The following ZMAT3 variants were observed in gnomAD, a reference collection of about 807,000 sequenced individuals.
ZMAT3 encodes the protein zinc finger matrin-type protein 3.
ZMAT3 carries 17 observed loss-of-function variants against 32.3 expected under a neutral mutation model. That is an observed-to-expected ratio of 0.53 (90% CI 0.36 to 0.79). The LOEUF is 0.79. Among genes scored for constraint, ZMAT3 ranks in the 30% least tolerant of loss-of-function variants. The pLI is 0.00. For missense variants in ZMAT3, 329 were observed against 359.7 expected (o/e 0.91, Z 0.69); for synonymous variants, 120 against 133.1 (o/e 0.90, Z 0.68).
chr3:179,070,826 AAATT>A (rs1243251971), intron 1 of ZMAT3, among the ~76,000 whole-genome samples: 3 of 152,380 alleles, frequency 2.0e-5, no homozygotes, highest in Non-Finnish European at 2.9e-5. Context: ...TGTTTAAAGA[AAATT>A]AATTGTCATA....
chr3:179,059,186 T>A (rs1006927656), intron 2 of ZMAT3, among the ~76,000 whole-genome samples: 2 of 151,990 alleles, frequency 1.3e-5, no homozygotes, highest in Admixed American at 1.3e-4. Context: ...TGCAGGACCC[T>A]CCATTAGAAA....
chr3:179,054,756 C>T (rs1471362626), intron 2 of ZMAT3, among the ~76,000 whole-genome samples: 2 of 152,158 alleles, frequency 1.3e-5, no homozygotes, highest in Admixed American at 6.5e-5. Context: ...GCAGACCCGC[C>T]GGCGACTTCC....
chr3:179,034,638 C>A (rs534951147), intron 2 of ZMAT3, among the ~76,000 whole-genome samples: 54 of 152,172 alleles, frequency 3.5e-4, no homozygotes, highest in Non-Finnish European at 7.2e-4. Flanking sequence ...TCCTGGTCAT[C>A]CATACTTTCA....
chr3:179,044,740 T>C (rs934684670), intron 2 of ZMAT3, among the ~76,000 whole-genome samples: 8 of 152,124 alleles, frequency 5.3e-5, no homozygotes, highest in African/African-American at 1.9e-4. Flanking sequence ...GGGACATGGA[T>C]GGAGCTGGAA....
At chr3:179,059,144 C>T (rs1289968580) in intron 2 of ZMAT3, among the ~76,000 whole-genome samples, 2 of 152,010 alleles carry the variant, frequency 1.3e-5, no homozygotes, top group African/African-American at 4.8e-5. Flanking sequence ...AAGGGAAATG[C>T]CAAGTGGATA....
chr3:179,027,177 A>G (rs1486739094), intron 5 of ZMAT3, among the ~76,000 whole-genome samples: 1 of 152,226 alleles, frequency 6.6e-6, no homozygotes, highest in Non-Finnish European at 1.5e-5. Flanking sequence ...TAAGGGGACA[A>G]AGATAAGAGA....
At chr3:179,060,768 C>G (rs1721113293) in intron 2 of ZMAT3, among the ~76,000 whole-genome samples, 1 of 152,122 alleles carries the variant, frequency 6.6e-6, no homozygotes, top group Non-Finnish European at 1.5e-5. Flanking sequence ...ACACAACCAT[C>G]ATTGTCAGAT....
intron 2 of ZMAT3, among the ~76,000 whole-genome samples, chr3:179,060,273 T>A (rs1214516059): frequency 1.3e-5 from 2 of 151,892 alleles, no homozygotes; most frequent in Non-Finnish European, 2.9e-5. Flanking sequence ...CAATTATACT[T>A]CAATAAAGCT....
intron 2 of ZMAT3, among the ~76,000 whole-genome samples, chr3:179,035,959 T>C (rs1176784756): frequency 6.6e-6 from 1 of 152,176 alleles, no homozygotes; most frequent in Non-Finnish European, 1.5e-5. Flanking sequence ...AAGCCCAGCC[T>C]TCTGTGTTGA....
chr3:179,043,599 A>G (rs898364170), intron 2 of ZMAT3, among the ~76,000 whole-genome samples: 17 of 152,260 alleles, frequency 1.1e-4, no homozygotes, highest in Non-Finnish European at 2.2e-4. Flanking sequence ...CTTAAATGTT[A>G]GACCTAAAAC....
At position 179,022,478 on chromosome 3, in the gene ZMAT3, T is replaced by C. The variant is rs1403117055; in HGVS notation, c.*2539A>G. 1 of 152,094 alleles carries C rather than the reference T, an allele frequency of 6.6e-6. No homozygotes were observed. Among genetic ancestry groups the C allele is most frequent in the African/African-American group, 2.4e-5 (1 of 41,406 alleles). 9.4% of individuals were successfully genotyped at this position (152,094 alleles called of 1,614,324 possible). On this transcript the variant is annotated 3_prime_UTR_variant, in exon 6 of 6. Transcript: ENST00000311417. ...CTACCTATGGAGGAAAAAAACTAGATTTTTAGGTAATCATAGAACCAAGCG... is the reference window on the plus strand; with the variant it reads ...CTACCTATGGAGGAAAAAAACTAGACTTTTAGGTAATCATAGAACCAAGCG...
At chr3:179,032,654 AC>A (rs1340953425) in intron 2 of ZMAT3, among the ~76,000 whole-genome samples, 72 of 146,362 alleles carry the variant, frequency 4.9e-4, no homozygotes, top group African/African-American at 1.7e-3. Flanking sequence ...CCCGGCCGCG[AC>A]CCCGTCTGGG....
At chr3:179,035,557 T>A (rs1232769778) in intron 2 of ZMAT3, among the ~76,000 whole-genome samples, 2 of 152,182 alleles carry the variant, frequency 1.3e-5, no homozygotes, top group East Asian at 1.9e-4. Context: ...CCGGTTTTAT[T>A]TTATCTTAGT....
Position 179,060,487 on chromosome 3 carries a change from C to CA in ZMAT3, c.270+6995dup, listed in dbSNP as rs1560098198. Among the ~76,000 whole-genome samples the CA allele has an allele frequency of 3.3e-5, 5 of 151,538 alleles. No individual in the cohort carries two copies. The South Asian group carries it at 8.3e-4, about 25-fold the overall frequency. On this transcript the variant is annotated intron_variant, in intron 2 of 5. Transcript: ENST00000311417. Reference sequence around the variant, plus strand: ...TGAAACCCTGCCTCTACTAAAAATACAAAAAAATTAGCTGGGCGTGGTGGC... The same window carrying CA: ...TGAAACCCTGCCTCTACTAAAAATACAAAAAAAATTAGCTGGGCGTGGTGGC...
intron 2 of ZMAT3, among the ~76,000 whole-genome samples, chr3:179,031,399 TAA>T (rs570557179): frequency 6.9e-6 from 1 of 145,124 alleles, no homozygotes. Context: ...CTTAATCACT[TAA>T]AAAAAAAAAG....
intron 2 of ZMAT3, among the ~76,000 whole-genome samples, chr3:179,045,392 C>A (rs920860433): frequency 2.6e-5 from 4 of 152,070 alleles, no homozygotes; most frequent in Non-Finnish European, 5.9e-5. Flanking sequence ...TAAGTGACCA[C>A]CTACAGGACA....
intron 2 of ZMAT3, among the ~76,000 whole-genome samples, chr3:179,041,768 C>G (rs1719943216): frequency 6.6e-6 from 1 of 151,866 alleles, no homozygotes. Context: ...ACACAAAAAT[C>G]CCTTCAAAAA....
intron 2 of ZMAT3, among the ~76,000 whole-genome samples, chr3:179,039,906 C>T (rs1719823430): frequency 6.6e-6 from 1 of 152,130 alleles, no homozygotes; most frequent in Non-Finnish European, 1.5e-5. Flanking sequence ...AGCTGAAAAC[C>T]ATGGCATGGG....
At chr3:179,028,582 C>T (rs1719009000) in intron 3 of ZMAT3, among the ~76,000 whole-genome samples, 1 of 152,222 alleles carries the variant, frequency 6.6e-6, no homozygotes, top group African/African-American at 2.4e-5. Flanking sequence ...GCTTAGGCTG[C>T]CTGCCCGGGA....
Sources: allele counts gnomAD v4.1 joint callset (sites outside exome capture counted in the v4.1 genomes callset), GRCh38; gene constraint gnomAD v4.1.1; transcripts MANE v1.5; gene names NCBI Gene and HGNC (gene_info 2026-07-23, HGNC 2026-07-21).